Variants in TNRC18 observed in about 807,000 individuals in gnomAD.
TNRC18 encodes the protein trinucleotide repeat-containing gene 18 protein.
TNRC18 carries 69 observed loss-of-function variants against 226.7 expected under a neutral mutation model. The ratio of observed to expected loss-of-function variants is 0.30; its 90% confidence interval spans 0.25 to 0.37. The LOEUF is 0.37. TNRC18 is among the 10% of genes least tolerant of loss of function. The pLI is 1.00. For missense variants in TNRC18, 4,754 were observed against 4,256.6 expected (o/e 1.12, Z -3.25); for synonymous variants, 2,449 against 1,927.6 (o/e 1.27, Z -7.09).
chr7:5,319,939 G>C (rs147815981), intron 24 of TNRC18, among the ~76,000 whole-genome samples: 1 of 152,198 alleles, frequency 6.6e-6, no homozygotes, highest in Non-Finnish European at 1.5e-5. Flanking sequence ...ACCCAGGCCC[G>C]GTCGATCAGA....
At position 5,351,933 on chromosome 7, in the gene TNRC18, G is replaced by C. The variant is rs771895213; in HGVS notation, c.5356C>G (p.Arg1786Gly). Residue 1786 changes from arginine to glycine, a missense_variant, in exon 17 of 30, where the codon CGG becomes GGG. Coordinates refer to ENST00000430969, the MANE Select transcript of TNRC18 (RefSeq NM_001080495.3). ...KLTKRGLAAP[R>G]TLKPKPATSR... is the part of the protein sequence containing the mutation. ...GTGGCCGGCTTGGGTTTCAGAGTCC[G>C]GGGGGCCGCCAGGCCCCTCTTGGTC... 6.2e-7 allele frequency: 1 copy of C among 1,613,574 alleles called. No homozygotes were observed. The highest frequency in any genetic ancestry group is 8.5e-7 in the Non-Finnish European group (1 of 1,179,744).
chr7:5,357,109 A>C lies in TNRC18; in HGVS notation c.5001T>G (p.Thr1667=). 1 of 1,552,878 alleles carries C rather than the reference A, an allele frequency of 6.4e-7. No individual in the cohort carries two copies. Among genetic ancestry groups the C allele is most frequent in the Non-Finnish European group, 8.7e-7 (1 of 1,147,524 alleles). Residue 1667 remains threonine (T), a synonymous_variant, in exon 16 of 30, where the codon ACT becomes ACG. Transcript: ENST00000430969. ...TCTTCCCCAGCAGGCTGTCGTAAGGAGTCAAGTACCTGCCGCAGCCCCCGC... is the reference window on the plus strand; with the variant it reads ...TCTTCCCCAGCAGGCTGTCGTAAGGCGTCAAGTACCTGCCGCAGCCCCCGC... ...KTSGGCGRYL[T]PYDSLLGKNR...
At chr7:5,401,627 C>A (rs375205962) in intron 2 of TNRC18, among the ~76,000 whole-genome samples, 7 of 152,214 alleles carry the variant, frequency 4.6e-5, no homozygotes, top group African/African-American at 1.4e-4. Context: ...CAGGAAAGCA[C>A]CCAGACAGTA....
chr7:5,416,272 G>A (rs555069647), intron 2 of TNRC18, among the ~76,000 whole-genome samples: 7 of 152,066 alleles, frequency 4.6e-5, no homozygotes, highest in East Asian at 1.9e-4. Flanking sequence ...AAAATTAGCC[G>A]GACATGGTGG....
At position 5,371,336 on chromosome 7, in the gene TNRC18, G is replaced by T; in HGVS notation, c.3258C>A (p.Ala1086=). 1.3e-6 allele frequency: 2 copies of T among 1,519,410 alleles called. No individual in the cohort carries two copies. Among genetic ancestry groups the T allele is most frequent in the Non-Finnish European group, 1.8e-6 (2 of 1,139,336 alleles). The allele number at this position is 1,519,410 out of a possible 1,614,324, so 94.1% of individuals were successfully genotyped here. ...SDIPPRYPFQ[A]LPPHYGRPYP... The stretch of plus-strand genomic sequence containing the variant: ...AGGGCCTCCCGTAGTGCGGTGGCAG[G>T]GCTTGGAACGGGTACCTGGGCGGGA... The change falls in exon 11 of 30, where the codon GCC becomes GCA. Residue 1086 remains alanine, a synonymous_variant. Transcript: ENST00000430969.
At chr7:5,338,490 A>G (rs1330098145) in intron 18 of TNRC18, among the ~76,000 whole-genome samples, 1 of 152,004 alleles carries the variant, frequency 6.6e-6, no homozygotes, top group Non-Finnish European at 1.5e-5. Context: ...TCAGGCCTGT[A>G]ATCCCAGCAC....
chr7:5,409,458 C>T (rs1330041677), intron 2 of TNRC18, among the ~76,000 whole-genome samples: 3 of 151,742 alleles, frequency 2.0e-5, no homozygotes, highest in Admixed American at 6.6e-5. Context: ...GGCGTGGTGG[C>T]GCACCCCTGT....
In TNRC18 at chr7:5,351,984, T is replaced by A; in HGVS notation, c.5305A>T (p.Ser1769Cys). The change falls in exon 17 of 30, where the codon AGC becomes TGC. Residue 1769 changes from serine to cysteine, a missense_variant. Transcript: ENST00000430969. ...SLLCSMVAKNSKAAGGPKLTK... is the reference protein window; with the variant it reads ...SLLCSMVAKNCKAAGGPKLTK... Reference sequence around the variant, plus strand: ...AGCTTGGGGCCACCAGCTGCCTTGCTGTTCTTTGCCACCATGCTACACAGG... The same window carrying A: ...AGCTTGGGGCCACCAGCTGCCTTGCAGTTCTTTGCCACCATGCTACACAGG... 6.2e-7 allele frequency: 1 copy of A among 1,614,018 alleles called. No homozygotes were observed. The highest frequency in any genetic ancestry group is 1.3e-5 in the African/African-American group (1 of 75,064).
intron 2 of TNRC18, among the ~76,000 whole-genome samples, chr7:5,413,084 G>A (rs1781943672): frequency 6.6e-6 from 1 of 152,170 alleles, no homozygotes; most frequent in African/African-American, 2.4e-5. Context: ...CAGGCCCTGG[G>A]GAGGCCCGAG....
At chr7:5,376,350 C>T (rs1469587087) in intron 8 of TNRC18, 126 bp from the exon 9 acceptor site, 2 of 862,760 alleles carry the variant, frequency 2.3e-6, no homozygotes, top group Non-Finnish European at 3.4e-6. Context: ...TCTCTGCGGG[C>T]CCCCGGCTGC....
At chr7:5,411,215 C>CAAAAA (rs35392221) in intron 2 of TNRC18, among the ~76,000 whole-genome samples, 2 of 75,990 alleles carry the variant, frequency 2.6e-5, no homozygotes, top group Non-Finnish European at 5.1e-5. Context: ...GACTCCATCT[C>CAAAAA]AAAAAAAAAA....
chr7:5,308,340 G>C (rs530845541), intron 29 of TNRC18, 28 bp from the exon 30 acceptor site: 2 of 1,585,428 alleles, frequency 1.3e-6, no homozygotes, highest in Non-Finnish European at 1.7e-6. Context: ...TATCAGGATG[G>C]CAGGTGGGGG....
intron 5 of TNRC18, among the ~76,000 whole-genome samples, chr7:5,380,031 G>C (rs989104288): frequency 6.6e-6 from 1 of 152,220 alleles, no homozygotes; most frequent in Non-Finnish European, 1.5e-5. Flanking sequence ...CCACCCAGCT[G>C]TCCTAACTGG....
intron 11 of TNRC18, among the ~76,000 whole-genome samples, chr7:5,363,878 C>A (rs1231521826): frequency 6.6e-6 from 1 of 151,916 alleles, no homozygotes; most frequent in Non-Finnish European, 1.5e-5. Context: ...AGACAGCCCG[C>A]TTCCTTCCTC....
At chr7:5,352,821 G>A (rs1485820280) in intron 16 of TNRC18, among the ~76,000 whole-genome samples, 4 of 152,354 alleles carry the variant, frequency 2.6e-5, no homozygotes, top group African/African-American at 7.2e-5. Context: ...CCATGCTCAC[G>A]CCATTTTGAT....
intron 25 of TNRC18, 29 bp downstream of exon 25, chr7:5,315,927 A>G (rs1787801312): frequency 6.6e-7 from 1 of 1,517,192 alleles, no homozygotes; most frequent in Non-Finnish European, 8.9e-7. Context: ...CCCTGGCAGG[A>G]GACCGGGTGT....
chr7:5,331,214 CAG>C (rs1386466067), intron 19 of TNRC18, among the ~76,000 whole-genome samples: 2 of 152,130 alleles, frequency 1.3e-5, no homozygotes, highest in African/African-American at 4.8e-5. Flanking sequence ...ATCAAGGGCT[CAG>C]GGTGGAGAGG....
chr7:5,345,517 G>GCCCTCCCCCCCCCCCCC, intron 18 of TNRC18, 45 bp downstream of exon 18: 1 of 377,744 alleles, frequency 2.6e-6, no homozygotes, highest in South Asian at 4.4e-5. Context: ...AATGGCGTCC[G>GCCCTCCCCCCCCCCCCC]CCCCTCCCAC....
chr7:5,417,387 C>G (rs926143166), intron 2 of TNRC18, among the ~76,000 whole-genome samples: 1 of 150,976 alleles, frequency 6.6e-6, no homozygotes, highest in Non-Finnish European at 1.5e-5. Context: ...GGAGGATGGA[C>G]TCAGCCTGGG....
Sources: gnomAD v4.1 joint callset for allele counts (sites outside exome capture counted in the v4.1 genomes callset) on GRCh38, gnomAD v4.1.1 for gene constraint, MANE v1.5 for transcripts, NCBI Gene and HGNC (gene_info 2026-07-23, HGNC 2026-07-21) for gene names.